The following GPHN variants were observed in gnomAD, a reference collection of about 807,000 sequenced individuals.
GPHN encodes the protein gephyrin.
GPHN carries 17 observed loss-of-function variants against 95.5 expected under a neutral mutation model. That is an observed-to-expected ratio of 0.18 (90% confidence interval 0.12 to 0.27). The LOEUF (loss-of-function observed/expected upper bound fraction) is 0.27, where lower values mean the gene tolerates loss of function less well. GPHN is among the 10% of genes least tolerant of loss of function. GPHN has a pLI of 1.00. For missense variants in GPHN, 660 were observed against 978.1 expected (o/e 0.67, Z 4.34); for synonymous variants, 320 against 322.5 (o/e 0.99, Z 0.08).
intron 9 of GPHN, among the ~76,000 whole-genome samples, chr14:67,023,101 T>G (rs1448730707): frequency 1.3e-5 from 2 of 152,054 alleles, no homozygotes; most frequent in Admixed American, 6.6e-5. Flanking sequence ...GTTATCAGAA[T>G]CAAATGTAAA....
chr14:67,587,185 C>T, the GPHN span: 1 of 1,613,874 alleles, frequency 6.2e-7, no homozygotes, highest in Non-Finnish European at 8.5e-7. Context: ...GGATGGACGA[C>T]AGTTCTTTTC....
At chr14:66,687,850 AT>A (rs1421562096) in intron 2 of GPHN, among the ~76,000 whole-genome samples, 1 of 151,992 alleles carries the variant, frequency 6.6e-6, no homozygotes, top group African/African-American at 2.4e-5. Flanking sequence ...GTCCTCTTCA[AT>A]TTCTTTCATC....
chr14:66,945,988 C>A (rs2067724667), intron 8 of GPHN, among the ~76,000 whole-genome samples: 1 of 151,822 alleles, frequency 6.6e-6, no homozygotes, highest in African/African-American at 2.4e-5. Flanking sequence ...GGCCTGTGGA[C>A]TTTGTAGATA....
At chr14:67,272,059 CA>C in the GPHN span, 1,799 of 109,400 alleles carry the variant, frequency 0.016, 28 homozygotes, top group African/African-American at 0.043. Context: ...GACAGAGTCT[CA>C]AAAAAAAAAA....
At chr14:67,505,831 C>T in the GPHN span, among the ~76,000 whole-genome samples, 2 of 151,966 alleles carry the variant, frequency 1.3e-5, no homozygotes, top group South Asian at 4.1e-4. Flanking sequence ...ATCAGCCTCC[C>T]TGGGATTACA....
chr14:67,525,751 G>A, the GPHN span, among the ~76,000 whole-genome samples: 1 of 152,174 alleles, frequency 6.6e-6, no homozygotes, highest in Non-Finnish European at 1.5e-5. Flanking sequence ...GAGTATTCCA[G>A]TGGATTTATT....
chr14:66,901,590 G>T (rs573926729), intron 5 of GPHN, among the ~76,000 whole-genome samples: 1 of 151,942 alleles, frequency 6.6e-6, no homozygotes, highest in Non-Finnish European at 1.5e-5. Context: ...ACCTCTGCAA[G>T]TGGATATCCA....
intron 3 of GPHN, chr14:66,823,128 A>T (rs1010799578): frequency 6.6e-6 from 1 of 152,302 alleles, no homozygotes; most frequent in South Asian, 2.1e-4. Context: ...CAATCTCCTG[A>T]GTAGCTGGGA....
At chr14:66,865,797 A>G (rs1462965198) in intron 4 of GPHN, among the ~76,000 whole-genome samples, 1 of 152,196 alleles carries the variant, frequency 6.6e-6, no homozygotes, top group African/African-American at 2.4e-5. Flanking sequence ...CTGCTTACAA[A>G]ATCTTTCAAG....
At chr14:67,585,316 A>G in the GPHN span, 5 of 470,286 alleles carry the variant, frequency 1.1e-5, no homozygotes, top group Non-Finnish European at 1.9e-5. Context: ...TAGGGACATC[A>G]AAAGAATGAT....
At chr14:67,474,122 C>G in the GPHN span, among the ~76,000 whole-genome samples, 4 of 152,106 alleles carry the variant, frequency 2.6e-5, no homozygotes, top group Non-Finnish European at 5.9e-5. Context: ...CGTGGTGGCC[C>G]GCTCCTGTAA....
chr14:66,795,920 G>T (rs1280172411), intron 3 of GPHN, among the ~76,000 whole-genome samples: 8 of 151,926 alleles, frequency 5.3e-5, no homozygotes, highest in African/African-American at 1.4e-4. Flanking sequence ...CACATACTAG[G>T]ACTTATTCAT....
the GPHN span, chr14:67,645,709 T>C: frequency 6.2e-7 from 1 of 1,614,076 alleles, no homozygotes; most frequent in Middle Eastern, 1.6e-4. Flanking sequence ...TCTGGGTTGA[T>C]GCCCATGCTG....
At chr14:67,503,404 CT>C in the GPHN span, 1 of 152,182 alleles carries the variant, frequency 6.6e-6, no homozygotes, top group Non-Finnish European at 1.5e-5. Flanking sequence ...GAAGGATTTC[CT>C]GGGGGCGCTG....
intron 1 of GPHN, among the ~76,000 whole-genome samples, chr14:66,671,390 T>A (rs2066299431): frequency 6.6e-6 from 1 of 152,188 alleles, no homozygotes; most frequent in Non-Finnish European, 1.5e-5. Context: ...ATTTGAAAAT[T>A]TATCTGCTGC....
the GPHN span, among the ~76,000 whole-genome samples, chr14:67,632,360 G>A: frequency 9.2e-5 from 14 of 152,272 alleles, no homozygotes; most frequent in East Asian, 3.8e-4. Context: ...TCACCAATAC[G>A]TGGCAATGTT....
chr14:67,210,037 A>G, the GPHN span, among the ~76,000 whole-genome samples: 18 of 152,280 alleles, frequency 1.2e-4, no homozygotes, highest in African/African-American at 3.4e-4. Flanking sequence ...TTAGGTGTCA[A>G]CAACACTCTT....
chr14:67,258,147 G>T, the GPHN span, among the ~76,000 whole-genome samples: 3 of 151,914 alleles, frequency 2.0e-5, no homozygotes, highest in Non-Finnish European at 4.4e-5. Flanking sequence ...TACATAGATA[G>T]CAGTGTGCAG....
At chr14:66,596,468 A>C (rs992918206) in intron 1 of GPHN, among the ~76,000 whole-genome samples, 1 of 152,094 alleles carries the variant, frequency 6.6e-6, no homozygotes, top group African/African-American at 2.4e-5. Flanking sequence ...GCAGGCCTGC[A>C]TCAAGCCACT....
Sources: allele counts gnomAD v4.1 joint callset (sites outside exome capture counted in the v4.1 genomes callset), GRCh38; gene constraint gnomAD v4.1.1; transcripts MANE v1.5; gene names NCBI Gene and HGNC (gene_info 2026-07-23, HGNC 2026-07-21).